The following KPNA1 variants were observed in gnomAD, a reference collection of about 807,000 sequenced individuals.
The protein encoded by KPNA1 is karyopherin subunit alpha 1.
A neutral mutation model predicts 70.5 loss-of-function variants in KPNA1; 10 were observed. That is an observed-to-expected ratio of 0.14 (90% CI 0.09 to 0.24). The LOEUF (loss-of-function observed/expected upper bound fraction) is 0.24. Ranked by LOEUF, KPNA1 falls within the 10% of genes least tolerant of loss-of-function variation. KPNA1 has a pLI of 1.00. For synonymous variants in KPNA1, 192 were observed against 221.9 expected (o/e 0.87, Z 1.20); for missense variants, 397 against 637.9 (o/e 0.62, Z 4.07).
intron 4 of KPNA1, among the ~76,000 whole-genome samples, chr3:122,462,326 C>G (rs907978297): frequency 6.6e-6 from 1 of 151,996 alleles, no homozygotes; most frequent in Non-Finnish European, 1.5e-5. Flanking sequence ...AACAACAGTT[C>G]GTGAACAAAA....
chr3:122,424,189 A>G lies in KPNA1; in HGVS notation c.*2796T>C, dbSNP rs942823890. On this transcript the variant is annotated 3_prime_UTR_variant, in exon 14 of 14. Coordinates refer to ENST00000344337, the MANE Select transcript of KPNA1 (RefSeq NM_002264.4). ...GGGGAATAAAAAGGAAAAGTAAAACAAAGTCACTTTCCCCAATCCATATAT... is the reference window on the plus strand; with the variant it reads ...GGGGAATAAAAAGGAAAAGTAAAACGAAGTCACTTTCCCCAATCCATATAT... The G allele has an allele frequency of 1.3e-5, 2 of 152,228 alleles. No individual in the cohort carries two copies. Among genetic ancestry groups the G allele is most frequent in the African/African-American group, 4.8e-5 (2 of 41,462 alleles). The allele number at this position is 152,228 out of a possible 1,614,324, so 9.4% of individuals were successfully genotyped here. A position where few individuals can be genotyped will look rare whatever the true frequency, so the allele number is the denominator to read the frequency against.
chr3:122,489,508 G>A (rs2076673389), intron 2 of KPNA1, among the ~76,000 whole-genome samples: 3 of 151,786 alleles, frequency 2.0e-5, no homozygotes, highest in African/African-American at 7.3e-5. Context: ...GGGCTCAAGC[G>A]ATCCTCCCAC....
Position 122,433,626 on chromosome 3 carries a change from T to G in KPNA1, c.1250+35A>C, listed in dbSNP as rs772286704. The G allele has an allele frequency of 3.9e-6, 6 of 1,546,524 alleles. No individual in the cohort carries two copies. In the African/African-American group the frequency reaches 8.4e-5, roughly 22 times the overall value. ...GTGATAGACACAATAATAATTTTTC[T>G]TTAACTTACAATATGCTGCCTGATT... is the stretch of plus-strand genomic sequence containing the variant. On this transcript the variant is annotated intron_variant, in intron 12 of 13. Coordinates refer to ENST00000344337, the MANE Select transcript of KPNA1 (RefSeq NM_002264.4).
intron 2 of KPNA1, among the ~76,000 whole-genome samples, chr3:122,489,053 CGTGCGTGT>C (rs1369248012): frequency 1.8e-4 from 21 of 118,806 alleles, no homozygotes; most frequent in Middle Eastern, 4.4e-3. Flanking sequence ...GGTTTTTTTG[CGTGCGTGT>C]GTGTGTGTGT....
intron 2 of KPNA1, among the ~76,000 whole-genome samples, chr3:122,487,887 A>C (rs979754552): frequency 3.3e-5 from 5 of 152,216 alleles, no homozygotes; most frequent in African/African-American, 1.2e-4. Flanking sequence ...AAAATGAGTA[A>C]GAGGAAAAAT....
At chr3:122,443,902 T>C (rs1241213788) in intron 9 of KPNA1, among the ~76,000 whole-genome samples, 1 of 152,178 alleles carries the variant, frequency 6.6e-6, no homozygotes, top group Non-Finnish European at 1.5e-5. Context: ...CTGATAAACA[T>C]CTTAACAAGA....
intron 10 of KPNA1, among the ~76,000 whole-genome samples, chr3:122,438,573 A>G (rs955946270): frequency 6.6e-6 from 1 of 151,976 alleles, no homozygotes; most frequent in African/African-American, 2.4e-5. Context: ...TTTAGTAGAG[A>G]CAGGGTTTCT....
At chr3:122,460,354 T>G in intron 5 of KPNA1, 1 of 983,866 alleles carries the variant, frequency 1.0e-6, no homozygotes, top group Non-Finnish European at 1.2e-6. Flanking sequence ...TATTGAATAC[T>G]TGGCTGGGAG....
Position 122,424,580 on chromosome 3 carries a change from T to G in KPNA1, c.*2405A>C, listed in dbSNP as rs529324112. On this transcript the variant is annotated 3_prime_UTR_variant, in exon 14 of 14. Transcript: ENST00000344337. ...CACAAAATAGATCACGTCAGTTAAATAGACTTTGTTTTAATTCACTCACTG... is the reference window on the plus strand; with the variant it reads ...CACAAAATAGATCACGTCAGTTAAAGAGACTTTGTTTTAATTCACTCACTG... 6.5e-6 allele frequency: 1 copy of G among 152,676 alleles called. No individual in the cohort carries two copies. The highest frequency in any genetic ancestry group is 1.9e-4 in the East Asian group (1 of 5,200). 9.5% of individuals were successfully genotyped at this position (152,676 alleles called of 1,614,324 possible). A position where few individuals can be genotyped will look rare whatever the true frequency, so the allele number is the denominator to read the frequency against.
intron 2 of KPNA1, among the ~76,000 whole-genome samples, chr3:122,470,891 T>C (rs1392781449): frequency 2.0e-5 from 3 of 151,646 alleles, no homozygotes; most frequent in African/African-American, 7.3e-5. Context: ...ATATGGTAAA[T>C]ATCAATCCAA....
intron 5 of KPNA1, among the ~76,000 whole-genome samples, chr3:122,454,738 C>G (rs2076246746): frequency 6.6e-6 from 1 of 151,986 alleles, no homozygotes; most frequent in Non-Finnish European, 1.5e-5. Context: ...AGCTCCAAAC[C>G]AAAATACAGA....
chr3:122,479,156 A>G (rs1361419175), intron 2 of KPNA1, among the ~76,000 whole-genome samples: 2 of 152,164 alleles, frequency 1.3e-5, no homozygotes, highest in Non-Finnish European at 2.9e-5. Context: ...TAGCCAAAAT[A>G]TATAAAAAAC....
chr3:122,514,154 G>T lies in KPNA1; in HGVS notation c.-6+603C>A, dbSNP rs1406015259. ...TCATTGCTATAATTACCACACCCCCGATCAGCCGCTCCAGGCCCATGTTGT... is the reference window on the plus strand; with the variant it reads ...TCATTGCTATAATTACCACACCCCCTATCAGCCGCTCCAGGCCCATGTTGT... On this transcript the variant is annotated intron_variant, in intron 1 of 13. Coordinates refer to ENST00000344337, the MANE Select transcript of KPNA1 (RefSeq NM_002264.4). 2.0e-5 allele frequency among the ~76,000 whole-genome samples: 3 copies of T among 151,484 alleles called. No homozygotes were observed. In the South Asian group the frequency reaches 6.3e-4, roughly 32 times the overall value.
At chr3:122,466,850 A>T (rs1560037174) in intron 3 of KPNA1, among the ~76,000 whole-genome samples, 1 of 151,852 alleles carries the variant, frequency 6.6e-6, no homozygotes, top group Non-Finnish European at 1.5e-5. Flanking sequence ...AAAATTTAAA[A>T]ATTTGCCAGT....
intron 12 of KPNA1, among the ~76,000 whole-genome samples, chr3:122,432,088 C>T (rs1447325631): frequency 2.6e-5 from 4 of 152,108 alleles, no homozygotes; most frequent in Admixed American, 6.6e-5. Context: ...AGACATGAGC[C>T]GCTGCACCCG....
At chr3:122,511,656 C>T (rs2076956454) in intron 1 of KPNA1, among the ~76,000 whole-genome samples, 1 of 152,208 alleles carries the variant, frequency 6.6e-6, no homozygotes, top group Non-Finnish European at 1.5e-5. Context: ...GAAATCAGCC[C>T]AAATCAGCTA....
intron 2 of KPNA1, among the ~76,000 whole-genome samples, chr3:122,471,964 T>C (rs116047190): frequency 0.012 from 1,759 of 152,246 alleles, 36 homozygotes; most frequent in African/African-American, 0.037. Context: ...ACTGATAGAA[T>C]TGCAAAGAGA....
chr3:122,452,109 C>T (rs752116689), intron 6 of KPNA1, 45 bp from the exon 7 acceptor site: 9 of 1,258,808 alleles, frequency 7.1e-6, no homozygotes, highest in Middle Eastern at 1.9e-4. Context: ...AGTTTAATTC[C>T]CTCATAATTC....
At chr3:122,452,213 G>A (rs2076209417) in intron 6 of KPNA1, 149 bp from the exon 7 acceptor site, 1 of 716,544 alleles carries the variant, frequency 1.4e-6, no homozygotes, top group East Asian at 2.6e-5. Context: ...ATATCCTAAA[G>A]TGTACAACAA....
Sources: allele counts gnomAD v4.1 joint callset (sites outside exome capture counted in the v4.1 genomes callset), GRCh38; gene constraint gnomAD v4.1.1; transcripts MANE v1.5; gene names NCBI Gene and HGNC (gene_info 2026-07-23, HGNC 2026-07-21).